EGFLAM: variants seen among roughly 807,000 people sequenced by gnomAD.
EGFLAM encodes the protein pikachurin.
EGFLAM carries 79 observed loss-of-function variants against 113.1 expected under a neutral mutation model. The ratio of observed to expected loss-of-function variants is 0.70; its 90% CI spans 0.58 to 0.84. The LOEUF (loss-of-function observed/expected upper bound fraction) is 0.84, where lower values mean the gene tolerates loss of function less well. Ranked by LOEUF, EGFLAM falls within the 40% of genes least tolerant of loss-of-function variation. The pLI is 0.00. For missense variants in EGFLAM, 1,265 were observed against 1,291.6 expected, an observed-to-expected ratio of 0.98 and a Z score of 0.32; for synonymous variants, 504 against 487.6, an observed-to-expected ratio of 1.03 and a Z score of -0.44.
chr5:38,449,868 C>A lies in EGFLAM; in HGVS notation c.2544-1447C>A, dbSNP rs565844635. On this transcript the variant is annotated intron_variant, in intron 18 of 21. Transcript: ENST00000322350. The stretch of plus-strand genomic sequence containing the variant: ...CAAGGAGTCCAGACTTACACTGGAT[C>A]TTGGGTTGATTAATTAAGAGAAGCA... 2.0e-5 allele frequency among the ~76,000 whole-genome samples: 3 copies of A among 152,216 alleles called. No individual in the cohort carries two copies. In the East Asian group the frequency reaches 5.8e-4, roughly 29 times the overall value.
intron 13 of EGFLAM, among the ~76,000 whole-genome samples, chr5:38,425,866 G>A (rs1375903605): frequency 6.6e-6 from 1 of 152,148 alleles, no homozygotes; most frequent in Non-Finnish European, 1.5e-5. Context: ...AGTGGCTCAC[G>A]CCTATAATCC....
In EGFLAM at chr5:38,374,471, T is replaced by A. The variant is rs181645335; in HGVS notation, c.712+4009T>A. 4.1e-3 allele frequency among the ~76,000 whole-genome samples: 619 copies of A among 152,182 alleles called. 3 individuals are homozygous for A. The highest frequency in any genetic ancestry group is 0.014 in the African/African-American group (599 of 41,518). The stretch of plus-strand genomic sequence containing the variant: ...AGGTTTTCTTGCTGTCTTCTGTTCC[T>A]GGATGGGATCACAGAACTGGTTGAG... On this transcript the variant is annotated intron_variant, in intron 6 of 21. Transcript: ENST00000322350.
chr5:38,272,496 G>A (rs1757788250), intron 1 of EGFLAM, among the ~76,000 whole-genome samples: 1 of 152,194 alleles, frequency 6.6e-6, no homozygotes, highest in Admixed American at 6.5e-5. Context: ...AACTAACTGT[G>A]AGATCATAAG....
At position 38,437,350 on chromosome 5, in the gene EGFLAM, A is replaced by T. The variant is rs374024464; in HGVS notation, c.2284-925A>T. 3.9e-4 allele frequency among the ~76,000 whole-genome samples: 59 copies of T among 152,286 alleles called. 1 individual carries two copies. In the South Asian group the frequency reaches 8.5e-3, roughly 22 times the overall value. ...TGGGACAATCGGGGAGGTCCAGCTGATGGAATTTTAGGAGACTGCTTGAGA... is the reference window on the plus strand; with the variant it reads ...TGGGACAATCGGGGAGGTCCAGCTGTTGGAATTTTAGGAGACTGCTTGAGA... On this transcript the variant is annotated intron_variant, in intron 16 of 21. Transcript: ENST00000322350.
chr5:38,426,961 C>A, intron 13 of EGFLAM, 48 bp from the exon 14 acceptor site: 1 of 1,602,540 alleles, frequency 6.2e-7, no homozygotes. Context: ...GCACATCTGG[C>A]CAGTTTCTGC....
chr5:38,335,124 C>A (rs1042537062), intron 1 of EGFLAM, among the ~76,000 whole-genome samples: 1 of 152,098 alleles, frequency 6.6e-6, no homozygotes, highest in Non-Finnish European at 1.5e-5. Flanking sequence ...AGAATTTACC[C>A]AAATAAATAA....
At chr5:38,369,045 T>C (rs1321020010) in intron 5 of EGFLAM, among the ~76,000 whole-genome samples, 1 of 152,214 alleles carries the variant, frequency 6.6e-6, no homozygotes, top group Non-Finnish European at 1.5e-5. Context: ...TGCACAATTA[T>C]TTCCAACTTT....
intron 19 of EGFLAM, among the ~76,000 whole-genome samples, chr5:38,454,287 G>A (rs1406156429): frequency 1.3e-5 from 2 of 152,160 alleles, no homozygotes; most frequent in Non-Finnish European, 2.9e-5. Flanking sequence ...AAGCACCCGG[G>A]TGTTTCCGGG....
chr5:38,353,925 T>C (rs1235292349), intron 5 of EGFLAM, among the ~76,000 whole-genome samples: 1 of 152,164 alleles, frequency 6.6e-6, no homozygotes, highest in Admixed American at 6.5e-5. Flanking sequence ...TTTATTCTCA[T>C]TGGCCAAGCT....
At chr5:38,301,348 G>A (rs554867616) in intron 1 of EGFLAM, among the ~76,000 whole-genome samples, 3 of 152,230 alleles carry the variant, frequency 2.0e-5, no homozygotes, top group Non-Finnish European at 4.4e-5. Flanking sequence ...GGTCAAGTAC[G>A]GTGAGAACAG....
At chr5:38,443,740 G>A (rs998638826) in intron 17 of EGFLAM, among the ~76,000 whole-genome samples, 7 of 151,582 alleles carry the variant, frequency 4.6e-5, no homozygotes, top group African/African-American at 1.5e-4. Context: ...TCCCGTGAAC[G>A]TGGGAAAGAA....
intron 6 of EGFLAM, among the ~76,000 whole-genome samples, chr5:38,374,805 C>T (rs544532121): frequency 3.9e-5 from 6 of 152,292 alleles, no homozygotes; most frequent in South Asian, 4.2e-4. Context: ...GTTCGGCCTA[C>T]GCCCAGGAAT....
chr5:38,351,522 A>G (rs1310428522), intron 4 of EGFLAM, among the ~76,000 whole-genome samples: 3 of 152,168 alleles, frequency 2.0e-5, no homozygotes, highest in African/African-American at 7.2e-5. Flanking sequence ...CGAGTTACAA[A>G]AAATGCATAG....
At chr5:38,291,947 C>T (rs1758345927) in intron 1 of EGFLAM, among the ~76,000 whole-genome samples, 1 of 152,316 alleles carries the variant, frequency 6.6e-6, no homozygotes, top group African/African-American at 2.4e-5. Context: ...AGTAACAGCA[C>T]AATCAATGGC....
At chr5:38,461,748 A>G (rs1743280634) in intron 20 of EGFLAM, among the ~76,000 whole-genome samples, 1 of 152,182 alleles carries the variant, frequency 6.6e-6, no homozygotes, top group African/African-American at 2.4e-5. Context: ...TGCTTGAACA[A>G]GGCTCATGGG....
chr5:38,267,386 A>T (rs892147989), intron 1 of EGFLAM, among the ~76,000 whole-genome samples: 5 of 152,228 alleles, frequency 3.3e-5, no homozygotes, highest in Non-Finnish European at 7.3e-5. Flanking sequence ...GAAACATAAT[A>T]CTTAAATACA....
intron 12 of EGFLAM, among the ~76,000 whole-genome samples, chr5:38,422,583 C>T (rs1741866516): frequency 1.3e-5 from 2 of 152,284 alleles, no homozygotes; most frequent in South Asian, 4.2e-4. Flanking sequence ...CCAGCTCTAT[C>T]ACATATTTTT....
intron 1 of EGFLAM, among the ~76,000 whole-genome samples, chr5:38,275,229 A>G (rs899057191): frequency 1.3e-5 from 2 of 152,226 alleles, no homozygotes; most frequent in Non-Finnish European, 2.9e-5. Context: ...GTACCTATCA[A>G]TAATTACTTT....
At chr5:38,274,615 A>G (rs1307407893) in intron 1 of EGFLAM, among the ~76,000 whole-genome samples, 1 of 152,232 alleles carries the variant, frequency 6.6e-6, no homozygotes, top group African/African-American at 2.4e-5. Flanking sequence ...GCTGTCCTTC[A>G]GAAATGAAGG....
Sources: allele counts gnomAD v4.1 joint callset (sites outside exome capture counted in the v4.1 genomes callset), GRCh38; gene constraint gnomAD v4.1.1; transcripts MANE v1.5; gene names NCBI Gene and HGNC (gene_info 2026-07-23, HGNC 2026-07-21).